Variants in UNC13B observed in about 807,000 individuals in gnomAD.
The protein encoded by UNC13B is protein unc-13 homolog B.
Under a neutral mutation model 211.0 loss-of-function variants are expected in UNC13B, and 144 were observed. The ratio of observed to expected loss-of-function variants is 0.68; its 90% CI spans 0.60 to 0.78. The LOEUF (loss-of-function observed/expected upper bound fraction) is 0.78, where lower values mean the gene tolerates loss of function less well. Ranked by LOEUF, UNC13B falls within the 30% of genes least tolerant of loss-of-function variation. The probability of loss-of-function intolerance (pLI) is 0.00; values close to 1 mark genes in which losing one functional copy is unlikely to be tolerated. For missense variants in UNC13B, 1,777 were observed against 2,002.0 expected, an observed-to-expected ratio of 0.89 and a Z score of 2.14; for synonymous variants, 709 against 725.8, an observed-to-expected ratio of 0.98 and a Z score of 0.37.
Position 35,376,110 on chromosome 9 carries a change from C to A in UNC13B, c.9698C>A (p.Thr3233Lys), listed in dbSNP as rs140172954. ...CTTPHNFEVW[T>K]ATTPTYCYEC... ...ACTCCTCATAACTTTGAGGTCTGGA[C>A]GGCCACTACCCCAACCTACTGCTAT... The change falls in exon 15 of 40, where the codon ACG becomes AAG. Residue 3233 changes from threonine to lysine, a missense_variant. Coordinates refer to ENST00000635942, the MANE Select transcript of UNC13B (RefSeq NM_001371189.2). 3 of 1,614,128 alleles carry A rather than the reference C, an allele frequency of 1.9e-6. No individual in the cohort carries two copies. Among genetic ancestry groups the A allele is most frequent in the African/African-American group, 2.7e-5 (2 of 74,950 alleles).
rs549307485 is a variant in UNC13B at position 35,290,459 on chromosome 9, C to A, written c.527-5237C>A. 7.9e-5 allele frequency among the ~76,000 whole-genome samples: 12 copies of A among 151,596 alleles called. No homozygotes were observed. The East Asian group carries it at 2.4e-3, about 30-fold the overall frequency. On this transcript the variant is annotated intron_variant, in intron 7 of 39. Transcript: ENST00000635942. ...TCTATGAGAAGCTAAGCCCTGATAC[C>A]ATGGGTAAGGGAGTCTGGGAGCTTA...
chr9:35,399,800 G>A (rs557325470), intron 36 of UNC13B, 71 bp downstream of exon 36: 10 of 1,480,608 alleles, frequency 6.8e-6, no homozygotes, highest in South Asian at 5.7e-5. Flanking sequence ...CACTCTCCCA[G>A]ACCAGGTGTC....
At chr9:35,337,361 T>C (rs530127365) in intron 11 of UNC13B, among the ~76,000 whole-genome samples, 1 of 152,310 alleles carries the variant, frequency 6.6e-6, no homozygotes, top group Non-Finnish European at 1.5e-5. Context: ...CAAAGGGCTT[T>C]GCAGGGGCTT....
At chr9:35,357,423 T>G (rs576812117) in intron 11 of UNC13B, among the ~76,000 whole-genome samples, 18 of 151,504 alleles carry the variant, frequency 1.2e-4, no homozygotes, top group Admixed American at 2.6e-4. Flanking sequence ...TAAATTGAGG[T>G]TTTTTTTCGT....
chr9:35,355,317 G>A (rs941011313), intron 11 of UNC13B, among the ~76,000 whole-genome samples: 1 of 152,148 alleles, frequency 6.6e-6, no homozygotes, highest in African/African-American at 2.4e-5. Context: ...TGGAATGGGA[G>A]GGAGATTTTT....
chr9:35,382,207 A>G, intron 20 of UNC13B, 150 bp from the exon 21 acceptor site: 1 of 1,025,082 alleles, frequency 9.8e-7, no homozygotes, highest in Non-Finnish European at 1.4e-6. Context: ...GGCTGCCCCT[A>G]GAGCTGTGTG....
chr9:35,332,648 G>T (rs969375026), intron 11 of UNC13B, among the ~76,000 whole-genome samples: 5 of 151,950 alleles, frequency 3.3e-5, no homozygotes, highest in East Asian at 1.9e-4. Flanking sequence ...TATTTTCTTA[G>T]AAGCCATTTT....
chr9:35,213,410 G>A (rs182362589), intron 1 of UNC13B, among the ~76,000 whole-genome samples: 1 of 152,320 alleles, frequency 6.6e-6, no homozygotes, highest in East Asian at 1.9e-4. Flanking sequence ...AACAAAATCG[G>A]CTGGCATCTT....
chr9:35,217,511 C>T (rs950188299), intron 1 of UNC13B, among the ~76,000 whole-genome samples: 2 of 151,798 alleles, frequency 1.3e-5, no homozygotes, highest in East Asian at 3.9e-4. Flanking sequence ...GCCTCAGCCT[C>T]CCGAGTAGCT....
In UNC13B at chr9:35,307,808, G is replaced by T. The variant is rs1029680983; in HGVS notation, c.8404G>T (p.Ala2802Ser). The T allele has an allele frequency of 2.5e-5, 10 of 398,930 alleles. No homozygotes were observed. The highest frequency in any genetic ancestry group is 4.0e-5 in the Non-Finnish European group (9 of 226,076). 24.7% of individuals were successfully genotyped at this position (398,930 alleles called of 1,614,324 possible). Residue 2802 changes from alanine (A) to serine (S), a missense_variant, in exon 9 of 40, where the codon GCA becomes TCA. Ala to Ser is a moderately conservative substitution (Grantham distance 99). Coordinates refer to ENST00000635942, the MANE Select transcript of UNC13B (RefSeq NM_001371189.2). Reference protein sequence around the residue: ...SSPLPSGNRAAETGLMSSFKK... With the variant: ...SSPLPSGNRASETGLMSSFKK... ...ACCTCTCCCCTCTGGCAATAGAGCA[G>T]CAGAGACTGGTTTAATGTCCAGTTT...
intron 6 of UNC13B, among the ~76,000 whole-genome samples, chr9:35,250,935 A>C (rs1279002788): frequency 6.6e-6 from 1 of 151,352 alleles, no homozygotes; most frequent in Non-Finnish European, 1.5e-5. Context: ...TTGAAGCATG[A>C]AAAAATGTAG....
Position 35,251,669 on chromosome 9 carries a change from T to TA in UNC13B, c.469-7324_469-7323insA, listed in dbSNP as rs1564093962. Among the ~76,000 whole-genome samples the TA allele has an allele frequency of 4.8e-4, 73 of 152,052 alleles. No homozygotes were observed. The East Asian group carries it at 6.0e-3, about 12-fold the overall frequency. On this transcript the variant is annotated intron_variant, in intron 6 of 39. Coordinates refer to ENST00000635942, the MANE Select transcript of UNC13B (RefSeq NM_001371189.2). ...GATCTCTAACAGATAATACTTTTTT[T>TA]TAAAAAAAAACCACAATGCCATTAT...
rs1437087622 is a variant in UNC13B, at chr9:35,162,261, A to G, written c.-23A>G. 1.3e-6 allele frequency: 2 copies of G among 1,541,658 alleles called. No homozygotes were observed. Among genetic ancestry groups the G allele is most frequent in the East Asian group, 2.4e-5 (1 of 40,854 alleles). ...CGGTCCGGCGCGGCTGGGGCGCGGC[A>G]GAGGCTTGCCCGATCCTCGGCCATG... is the stretch of plus-strand genomic sequence containing the variant. On this transcript the variant is annotated 5_prime_UTR_variant, in exon 1 of 40. Transcript: ENST00000635942.
In UNC13B at chr9:35,303,957, A is replaced by T; in HGVS notation, c.4553A>T (p.His1518Leu). The change falls in exon 9 of 40, where the codon CAT (histidine) becomes CTT (leucine). Residue 1518 changes from histidine (H) to leucine (L), a missense_variant. His to Leu is a moderately conservative substitution (Grantham distance 99). Coordinates refer to ENST00000635942, the MANE Select transcript of UNC13B (RefSeq NM_001371189.2). ...EYQEWLSCLE[H>L]GVWWPSEDGD... The stretch of plus-strand genomic sequence containing the variant: ...CAGGAATGGTTGTCATGTCTTGAAC[A>T]TGGAGTGTGGTGGCCATCAGAGGAT... The T allele has an allele frequency of 2.5e-6, 1 of 398,790 alleles. No homozygotes were observed. The highest frequency in any genetic ancestry group is 4.4e-6 in the Non-Finnish European group (1 of 225,868). The allele number at this position is 398,790 out of a possible 1,614,324, so 24.7% of individuals were successfully genotyped here. A position where few individuals can be genotyped will look rare whatever the true frequency, so the allele number is the denominator to read the frequency against.
At chr9:35,201,927 C>T (rs915888234) in intron 1 of UNC13B, among the ~76,000 whole-genome samples, 15 of 152,010 alleles carry the variant, frequency 9.9e-5, no homozygotes, top group South Asian at 2.1e-4. Flanking sequence ...TTCATTGTGA[C>T]GTTAGGGTGT....
Position 35,171,056 on chromosome 9 carries a change from G to A in UNC13B, c.22+8751G>A, listed in dbSNP as rs1005925578. Reference sequence around the variant, plus strand: ...ACCTGTGGAGTCAAGTGGTCTGCCCGCCTCAGCCTCCCAAAGTGCTGGGAT... The same window carrying A: ...ACCTGTGGAGTCAAGTGGTCTGCCCACCTCAGCCTCCCAAAGTGCTGGGAT... On this transcript the variant is annotated intron_variant, in intron 1 of 39. Coordinates refer to ENST00000635942, the MANE Select transcript of UNC13B (RefSeq NM_001371189.2). Among the ~76,000 whole-genome samples the A allele has an allele frequency of 1.6e-4, 24 of 152,068 alleles. 1 individual carries two copies. The highest frequency in any genetic ancestry group is 7.4e-5 in the Non-Finnish European group (5 of 68,008).
At chr9:35,237,599 C>A in intron 4 of UNC13B, 104 bp from the exon 5 acceptor site, 2 of 1,431,914 alleles carry the variant, frequency 1.4e-6, no homozygotes, top group East Asian at 2.4e-5. Flanking sequence ...ATGTGAATGG[C>A]CCTCAGAAGC....
At chr9:35,361,692 A>G (rs945741008) in intron 11 of UNC13B, 5 of 152,352 alleles carry the variant, frequency 3.3e-5, no homozygotes, top group African/African-American at 1.2e-4. Context: ...ATACTACAAA[A>G]CAGTATTAAC....
chr9:35,288,848 A>G (rs1466889209), intron 7 of UNC13B, among the ~76,000 whole-genome samples: 1 of 152,218 alleles, frequency 6.6e-6, no homozygotes, highest in African/African-American at 2.4e-5. Context: ...TTGGGCTCAC[A>G]ATTGTGGTGA....
Sources: allele counts gnomAD v4.1 joint callset (sites outside exome capture counted in the v4.1 genomes callset), GRCh38; gene constraint gnomAD v4.1.1; transcripts MANE v1.5; gene names NCBI Gene and HGNC (gene_info 2026-07-23, HGNC 2026-07-21).